Variants in DGKB observed in about 807,000 individuals in gnomAD.
DGKB encodes the protein diacylglycerol kinase beta.
A neutral mutation model predicts 114.3 loss-of-function variants in DGKB; 67 were observed. The observed-to-expected ratio is 0.59, with a 90% CI of 0.48 to 0.72. The LOEUF is 0.72. DGKB is among the 30% of genes least tolerant of loss of function. DGKB has a pLI of 0.00. For synonymous variants in DGKB, 398 were observed against 323.1 expected (o/e 1.23, Z -2.49); for missense variants, 907 against 975.2 (o/e 0.93, Z 0.93).
rs374660185 is a variant in DGKB, at chr7:14,856,283, G to T, written c.-187-14833C>A. On this transcript the variant is annotated intron_variant, in intron 1 of 25. Transcript: ENST00000402815. ...ACCTCAGTAGAACAGAAAACACAAA[G>T]ATCCTGAACTATCCTTTGAAATAAG... Among the ~76,000 whole-genome samples, 46 of 152,040 alleles carry T rather than the reference G, an allele frequency of 3.0e-4. No homozygotes were observed. In the East Asian group the frequency reaches 4.5e-3, roughly 15 times the overall value.
chr7:14,802,319 T>C (rs1842277326), intron 2 of DGKB, among the ~76,000 whole-genome samples: 1 of 152,164 alleles, frequency 6.6e-6, no homozygotes, highest in Admixed American at 6.6e-5. Flanking sequence ...TTATTAATTT[T>C]ACAAAAGCAA....
At chr7:14,760,623 C>T (rs1252115764) in intron 2 of DGKB, among the ~76,000 whole-genome samples, 1 of 152,062 alleles carries the variant, frequency 6.6e-6, no homozygotes, top group Non-Finnish European at 1.5e-5. Context: ...CACACATACA[C>T]AGATGCATAC....
chr7:14,864,710 A>G (rs1185283343), intron 1 of DGKB, among the ~76,000 whole-genome samples: 2 of 152,076 alleles, frequency 1.3e-5, no homozygotes, highest in Non-Finnish European at 2.9e-5. Flanking sequence ...ACTTAAAGAC[A>G]GAGAAATGTA....
At chr7:14,354,339 TAA>T (rs1053373305) in intron 21 of DGKB, among the ~76,000 whole-genome samples, 3 of 152,098 alleles carry the variant, frequency 2.0e-5, no homozygotes, top group African/African-American at 7.2e-5. Context: ...TTTTAAAAAA[TAA>T]GAGGGCACTA....
Position 14,147,018 on chromosome 7 carries a change from A to G in DGKB, c.*2113T>C, listed in dbSNP as rs1192348870. ...TTGTATGTTGTAGCGAACATAAAAT[A>G]ATTTGTGGCTTCAAAATATGTTTTT... On this transcript the variant is annotated 3_prime_UTR_variant, in exon 26 of 26. Transcript: ENST00000402815. 1 of 152,176 alleles carries G rather than the reference A, an allele frequency of 6.6e-6. No individual in the cohort carries two copies. Among genetic ancestry groups the G allele is most frequent in the African/African-American group, 2.4e-5 (1 of 41,454 alleles). 9.4% of individuals were successfully genotyped at this position (152,176 alleles called of 1,614,324 possible). A position where few individuals can be genotyped will look rare whatever the true frequency, so the allele number is the denominator to read the frequency against.
intron 19 of DGKB, among the ~76,000 whole-genome samples, chr7:14,579,735 A>G (rs1415807372): frequency 6.6e-6 from 1 of 152,116 alleles, no homozygotes; most frequent in Admixed American, 6.6e-5. Context: ...TCAGATATTC[A>G]TGGAATTATT....
intron 1 of DGKB, among the ~76,000 whole-genome samples, chr7:14,893,068 G>A (rs1260582974): frequency 6.6e-6 from 1 of 150,932 alleles, no homozygotes; most frequent in African/African-American, 2.4e-5. Context: ...AAACATAAAA[G>A]CTGTTTCAAA....
intron 13 of DGKB, among the ~76,000 whole-genome samples, chr7:14,670,150 T>A (rs928233322): frequency 6.6e-6 from 1 of 152,052 alleles, no homozygotes; most frequent in Non-Finnish European, 1.5e-5. Flanking sequence ...GTGAAATAAT[T>A]ATTATAGTTA....
chr7:14,598,566 T>C (rs1802990872), intron 17 of DGKB, among the ~76,000 whole-genome samples: 1 of 152,218 alleles, frequency 6.6e-6, no homozygotes, highest in African/African-American at 2.4e-5. Flanking sequence ...TGGTAAATGT[T>C]CATAAATATT....
At position 14,647,162 on chromosome 7, in the gene DGKB, T is replaced by C. The variant is rs76307683; in HGVS notation, c.1135-16894A>G. Among the ~76,000 whole-genome samples, 230 of 152,146 alleles carry C rather than the reference T, an allele frequency of 1.5e-3. 1 individual carries two copies. Among genetic ancestry groups the C allele is most frequent in the African/African-American group, 5.2e-3 (216 of 41,554 alleles). On this transcript the variant is annotated intron_variant, in intron 13 of 25. Transcript: ENST00000402815. ...ATACCACATAAATACAAAGGATCAT[T>C]AGAAACTGTTATGAACAACTATACA...
At chr7:14,690,798 T>C (rs1256681305) in intron 9 of DGKB, among the ~76,000 whole-genome samples, 20 of 152,238 alleles carry the variant, frequency 1.3e-4, no homozygotes, top group Non-Finnish European at 2.9e-4. Flanking sequence ...GTGTTTTAAT[T>C]ACATTGGATT....
chr7:14,426,443 T>C (rs914333752), intron 21 of DGKB, among the ~76,000 whole-genome samples: 5 of 152,150 alleles, frequency 3.3e-5, no homozygotes, highest in Admixed American at 6.6e-5. Flanking sequence ...AATGGATGCA[T>C]GAATGGATGG....
intron 25 of DGKB, among the ~76,000 whole-genome samples, chr7:14,166,705 C>G (rs1366164576): frequency 6.6e-6 from 1 of 151,968 alleles, no homozygotes; most frequent in Non-Finnish European, 1.5e-5. Flanking sequence ...GGAAGAAGAC[C>G]AGAACATGAA....
At chr7:14,813,717 T>C (rs993954443) in intron 2 of DGKB, among the ~76,000 whole-genome samples, 4 of 152,186 alleles carry the variant, frequency 2.6e-5, no homozygotes, top group Admixed American at 2.6e-4. Context: ...TGTTTTGTTT[T>C]ATATGTTTTG....
At chr7:14,590,163 TA>T (rs766451610) in intron 17 of DGKB, among the ~76,000 whole-genome samples, 3,598 of 24,824 alleles carry the variant, frequency 0.14, 58 homozygotes, top group Non-Finnish European at 0.17. Flanking sequence ...AGTATAATAA[TA>T]AAAAAAAAAA....
intron 2 of DGKB, among the ~76,000 whole-genome samples, chr7:14,800,710 T>C (rs997052201): frequency 2.0e-5 from 3 of 152,236 alleles, no homozygotes; most frequent in African/African-American, 7.2e-5. Flanking sequence ...CCAATGTTTC[T>C]ACTGAACTGG....
In DGKB at chr7:14,673,032, A is replaced by C; in HGVS notation, c.1036-5T>G. The C allele has an allele frequency of 6.5e-7, 1 of 1,543,866 alleles. No homozygotes were observed. Among genetic ancestry groups the C allele is most frequent in the Non-Finnish European group, 8.8e-7 (1 of 1,136,106 alleles). ...AGAAGCACATTTATTATGCAGCTAG[A>C]AAAACAGAAAGGGGGATAGTATCAA... On this transcript the variant is annotated splice_region_variant and splice_polypyrimidine_tract_variant and intron_variant, in intron 12 of 25. Coordinates refer to ENST00000402815, the MANE Select transcript of DGKB (RefSeq NM_001350709.2).
rs1046192731 is a variant in DGKB, at chr7:14,284,369, T to G, written c.2122+54146A>C. On this transcript the variant is annotated intron_variant, in intron 23 of 25. Coordinates refer to ENST00000402815, the MANE Select transcript of DGKB (RefSeq NM_001350709.2). The stretch of plus-strand genomic sequence containing the variant: ...TAAAAAGTCAGGAAACAACAGGTGC[T>G]GGAGAGGATGTGGAGAAATAGGAAC... Among the ~76,000 whole-genome samples, 96 of 143,440 alleles carry G rather than the reference T, an allele frequency of 6.7e-4. 1 individual carries two copies. In the South Asian group the frequency reaches 0.012, roughly 18 times the overall value. The allele number at this position is 143,440 out of a possible 152,430, so 94.1% of individuals were successfully genotyped here.
In DGKB at chr7:14,910,242, AAAAGAAAGAAAGAAAGAAAGAAAGAAAG is replaced by A. The variant is rs61063816; in HGVS notation, c.-188+64426_-188+64453del. On this transcript the variant is annotated intron_variant, in intron 1 of 4. Coordinates refer to the DGKB transcript ENST00000437998. ...GGTGACAGAGCGAGACTCCATCAAA[AAAAGAAAGAAAGAAAGAAAGAAAGAAAG>A]AAAGAAAGAAAGAAAGAAAGAAAGA... is the stretch of plus-strand genomic sequence containing the variant. Among the ~76,000 whole-genome samples, 808 of 110,064 alleles carry A rather than the reference AAAAGAAAGAAAGAAAGAAAGAAAGAAAG, an allele frequency of 7.3e-3. 13 individuals are homozygous for A. Among genetic ancestry groups the A allele is most frequent in the African/African-American group, 0.02 (581 of 29,078 alleles). 72.2% of individuals were successfully genotyped at this position (110,064 alleles called of 152,430 possible).
Sources: gnomAD v4.1 joint callset for allele counts (sites outside exome capture counted in the v4.1 genomes callset) on GRCh38, gnomAD v4.1.1 for gene constraint, MANE v1.5 for transcripts, NCBI Gene and HGNC (gene_info 2026-07-23, HGNC 2026-07-21) for gene names.